Variants in NEGR1 observed in about 807,000 individuals in gnomAD.
NEGR1 encodes the protein neuronal growth regulator 1.
A neutral mutation model predicts 40.9 loss-of-function variants in NEGR1; 10 were observed. The ratio of observed to expected loss-of-function variants is 0.24; its 90% CI spans 0.15 to 0.42. The LOEUF (loss-of-function observed/expected upper bound fraction) is 0.42, where lower values mean the gene tolerates loss of function less well. NEGR1 is among the 10% of genes least tolerant of loss of function. NEGR1 has a pLI of 1.00. For missense variants in NEGR1, 352 were observed against 438.9 expected (o/e 0.80, Z 1.77); for synonymous variants, 185 against 166.8 (o/e 1.11, Z -0.84).
chr1:72,188,242 A>G (rs984461367), intron 1 of NEGR1, among the ~76,000 whole-genome samples: 1 of 151,442 alleles, frequency 6.6e-6, no homozygotes, highest in African/African-American at 2.4e-5. Flanking sequence ...CAAAAGGCTC[A>G]GTTTTATCAG....
intron 1 of NEGR1, among the ~76,000 whole-genome samples, chr1:72,275,526 T>A (rs1656017992): frequency 6.6e-6 from 1 of 152,096 alleles, no homozygotes; most frequent in African/African-American, 2.4e-5. Flanking sequence ...AAAGTGCCAA[T>A]GACAATCTTT....
At chr1:71,673,104 T>C (rs557639554) in intron 4 of NEGR1, among the ~76,000 whole-genome samples, 3 of 152,202 alleles carry the variant, frequency 2.0e-5, no homozygotes, top group African/African-American at 7.2e-5. Context: ...CCTGGCATTT[T>C]GGCGGGCGCC....
chr1:71,549,230 A>G (rs1647996553), intron 6 of NEGR1, among the ~76,000 whole-genome samples: 1 of 151,724 alleles, frequency 6.6e-6, no homozygotes, highest in African/African-American at 2.4e-5. Context: ...TAACCTTAAG[A>G]TCTCAGGGAA....
intron 2 of NEGR1, among the ~76,000 whole-genome samples, chr1:71,930,924 T>C (rs1570520600): frequency 2.0e-5 from 3 of 152,290 alleles, no homozygotes; most frequent in South Asian, 4.1e-4. Flanking sequence ...AAGGTCTTTA[T>C]ACTCCTTGCC....
intron 6 of NEGR1, among the ~76,000 whole-genome samples, chr1:71,576,645 A>G: frequency 6.6e-6 from 1 of 152,250 alleles, no homozygotes; most frequent in Non-Finnish European, 1.5e-5. Flanking sequence ...TAATAAGATA[A>G]CCACAATTTT....
chr1:71,479,417 A>G (rs542966900), intron 6 of NEGR1, among the ~76,000 whole-genome samples: 2 of 152,052 alleles, frequency 1.3e-5, no homozygotes, highest in Non-Finnish European at 2.9e-5. Flanking sequence ...CTGGTTGGAT[A>G]TAATCCAAAT....
intron 1 of NEGR1, among the ~76,000 whole-genome samples, chr1:71,958,892 TTG>T (rs1396719203): frequency 1.3e-5 from 2 of 150,034 alleles, no homozygotes; most frequent in African/African-American, 4.9e-5. Flanking sequence ...GAGGGGGAGG[TTG>T]CAGTAAGCCG....
intron 4 of NEGR1, among the ~76,000 whole-genome samples, chr1:71,695,243 C>G (rs1653437631): frequency 6.6e-6 from 1 of 151,690 alleles, no homozygotes; most frequent in African/African-American, 2.4e-5. Flanking sequence ...ACAATTAGTA[C>G]TAAACAAAAC....
At chr1:71,959,755 A>G (rs1220943302) in intron 1 of NEGR1, among the ~76,000 whole-genome samples, 1 of 152,060 alleles carries the variant, frequency 6.6e-6, no homozygotes, top group Non-Finnish European at 1.5e-5. Flanking sequence ...TACTTTAAAT[A>G]TTTTTATGAA....
intron 3 of NEGR1, among the ~76,000 whole-genome samples, chr1:71,731,330 CT>C (rs1470074930): frequency 6.6e-6 from 1 of 152,158 alleles, no homozygotes; most frequent in Non-Finnish European, 1.5e-5. Context: ...AGTGGCTCTA[CT>C]GCCAAATGAC....
intron 4 of NEGR1, among the ~76,000 whole-genome samples, chr1:71,611,410 A>C (rs1650246193): frequency 6.6e-6 from 1 of 152,122 alleles, no homozygotes; most frequent in South Asian, 2.1e-4. Context: ...CTACTGGAAA[A>C]ATGGCATTGG....
chr1:72,067,534 G>A (rs1027007173), intron 1 of NEGR1, among the ~76,000 whole-genome samples: 1 of 152,022 alleles, frequency 6.6e-6, no homozygotes, highest in Non-Finnish European at 1.5e-5. Flanking sequence ...TGAAGATAAG[G>A]TACCATAATT....
intron 4 of NEGR1, among the ~76,000 whole-genome samples, chr1:71,692,763 A>G (rs546651486): frequency 6.6e-6 from 1 of 151,970 alleles, no homozygotes; most frequent in South Asian, 2.1e-4. Flanking sequence ...ATTTGCATAA[A>G]TGAATACGTA....
chr1:71,810,455 A>G (rs1657959522), intron 2 of NEGR1, among the ~76,000 whole-genome samples: 1 of 152,148 alleles, frequency 6.6e-6, no homozygotes, highest in South Asian at 2.1e-4. Flanking sequence ...GAACTGAAAG[A>G]GTATTAATAC....
intron 3 of NEGR1, among the ~76,000 whole-genome samples, chr1:71,736,126 A>G (rs1447461893): frequency 1.3e-5 from 2 of 152,096 alleles, no homozygotes; most frequent in African/African-American, 2.4e-5. Flanking sequence ...GCCAATTAGA[A>G]AAAAGAATTT....
chr1:71,854,017 G>A (rs492261), intron 2 of NEGR1, among the ~76,000 whole-genome samples: 5,477 of 152,120 alleles, frequency 0.036, 186 homozygotes, highest in African/African-American at 0.085. Context: ...TGTTGATTCT[G>A]TATTCTTGTT....
chr1:72,263,632 A>G (rs1655539592), intron 1 of NEGR1, among the ~76,000 whole-genome samples: 1 of 151,630 alleles, frequency 6.6e-6, no homozygotes, highest in Non-Finnish European at 1.5e-5. Context: ...GAATGTAGTC[A>G]GTCCAAACAA....
chr1:72,276,969 A>G (rs567239649), intron 1 of NEGR1, among the ~76,000 whole-genome samples: 4 of 152,292 alleles, frequency 2.6e-5, no homozygotes, highest in Non-Finnish European at 5.9e-5. Flanking sequence ...GAAGGAATAA[A>G]GGGATAAAGC....
intron 2 of NEGR1, among the ~76,000 whole-genome samples, chr1:71,823,876 G>T (rs901716226): frequency 6.6e-6 from 1 of 152,042 alleles, no homozygotes; most frequent in Admixed American, 6.6e-5. Flanking sequence ...GTGGAAATAT[G>T]TTGGTAAGTT....
Sources: gnomAD v4.1 joint callset for allele counts (sites outside exome capture counted in the v4.1 genomes callset) on GRCh38, gnomAD v4.1.1 for gene constraint, MANE v1.5 for transcripts, NCBI Gene and HGNC (gene_info 2026-07-23, HGNC 2026-07-21) for gene names.